CFAP100: variants seen among roughly 807,000 people sequenced by gnomAD.
CFAP100 encodes cilia- and flagella-associated protein 100.
In CFAP100, 70 loss-of-function variants were observed where a neutral mutation model predicts 81.5. The observed-to-expected ratio is 0.86, with a 90% CI of 0.71 to 1.05. The LOEUF (loss-of-function observed/expected upper bound fraction) is 1.05. Among genes scored for constraint, CFAP100 ranks in the 50% least tolerant of loss-of-function variants. The probability of loss-of-function intolerance (pLI) is 0.00; values close to 1 mark genes in which losing one functional copy is unlikely to be tolerated. For synonymous variants in CFAP100, 341 were observed against 314.8 expected (o/e 1.08, Z -0.88); for missense variants, 811 against 776.5 (o/e 1.04, Z -0.53).
chr3:126,433,821 C>T lies in CFAP100; in HGVS notation c.1423-355C>T, dbSNP rs138213489. ...TCCTCATATAGCCCACATGGAGGGG[C>T]TGTTATCTGTTTTCTAAGTGTCAGA... is the stretch of plus-strand genomic sequence containing the variant. On this transcript the variant is annotated intron_variant, in intron 14 of 16. Transcript: ENST00000352312. 6.0e-5 allele frequency: 14 copies of T among 234,592 alleles called. No individual in the cohort carries two copies. In the East Asian group the frequency reaches 1.5e-3, roughly 25 times the overall value. 14.5% of individuals were successfully genotyped at this position (234,592 alleles called of 1,614,324 possible). A position where few individuals can be genotyped will look rare whatever the true frequency, so the allele number is the denominator to read the frequency against.
At chr3:126,427,176 A>G (rs934794126) in intron 13 of CFAP100, among the ~76,000 whole-genome samples, 1 of 152,242 alleles carries the variant, frequency 6.6e-6, no homozygotes, top group Non-Finnish European at 1.5e-5. Context: ...TGAAGAGTCA[A>G]AATACCCAGA....
chr3:126,426,071 A>T (rs760893807), intron 13 of CFAP100, among the ~76,000 whole-genome samples: 1 of 152,236 alleles, frequency 6.6e-6, no homozygotes, highest in Non-Finnish European at 1.5e-5. Flanking sequence ...ATGTAATAAG[A>T]CAAGAAAAAT....
At chr3:126,432,157 T>C (rs535465379) in intron 13 of CFAP100, among the ~76,000 whole-genome samples, 1 of 151,564 alleles carries the variant, frequency 6.6e-6, no homozygotes, top group East Asian at 1.9e-4. Context: ...CGGGTGCCTG[T>C]AGTTCCAGCT....
intron 13 of CFAP100, among the ~76,000 whole-genome samples, chr3:126,431,625 C>T (rs1176569493): frequency 6.6e-6 from 1 of 152,180 alleles, no homozygotes; most frequent in Non-Finnish European, 1.5e-5. Context: ...TGTGGAAGGA[C>T]AAGAGCTGAG....
At chr3:126,420,049 G>A (rs752557161) in intron 10 of CFAP100, 28 bp downstream of exon 10, 3 of 1,613,272 alleles carry the variant, frequency 1.9e-6, no homozygotes, top group East Asian at 2.2e-5. Context: ...GCCTGAGGAG[G>A]AGCCTGGCTC....
At chr3:126,419,185 G>A (rs759321924) in intron 8 of CFAP100, 29 bp downstream of exon 8, 11 of 1,445,972 alleles carry the variant, frequency 7.6e-6, no homozygotes, top group Non-Finnish European at 1.0e-5. Context: ...CTGGCCATTG[G>A]CTGGCCCACC....
At position 126,418,704 on chromosome 3, in the gene CFAP100, GAGA is replaced by G. The variant is rs763400870; in HGVS notation, c.583_585del (p.Lys195del). On this transcript the variant is annotated inframe_deletion, in exon 7 of 17. Coordinates refer to ENST00000352312, the MANE Select transcript of CFAP100 (RefSeq NM_182628.3). ...GCTGGAGCGGGCCGAGAAATCCCTG[GAGA>G]AGGACGCCGCCTTGTTCGACGAGTT... The G allele has an allele frequency of 1.9e-6, 3 of 1,589,284 alleles. No homozygotes were observed. The highest frequency in any genetic ancestry group is 1.7e-6 in the Non-Finnish European group (2 of 1,168,716).
intron 11 of CFAP100, among the ~76,000 whole-genome samples, chr3:126,421,965 T>G (rs189474585): frequency 1.3e-5 from 2 of 152,216 alleles, no homozygotes; most frequent in Admixed American, 1.3e-4. Context: ...CCCTCAGCCA[T>G]GGACTGCCCC....
Position 126,419,582 on chromosome 3 carries a change from G to A in CFAP100, c.732-55G>A, listed in dbSNP as rs1416478070. 1.8e-5 allele frequency: 28 copies of A among 1,543,608 alleles called. 1 individual carries two copies. The Middle Eastern group carries it at 5.9e-4, about 32-fold the overall frequency. ...GGGGTGGCCCCGGCATGGGGACCTC[G>A]CTGTGGCAGAGGCTGACCTCCTCCT... On this transcript the variant is annotated intron_variant, in intron 8 of 16. Transcript: ENST00000352312.
chr3:126,410,059 G>C (rs1029194493), intron 3 of CFAP100, among the ~76,000 whole-genome samples: 1 of 152,102 alleles, frequency 6.6e-6, no homozygotes, highest in Non-Finnish European at 1.5e-5. Context: ...AAATTAGCTG[G>C]GCATGGTGTT....
At position 126,433,066 on chromosome 3, in the gene CFAP100, C is replaced by T; in HGVS notation, c.1287-3C>T. ...ATGCCCTGCCGGTTTTCCCCTCTTC[C>T]AGGGACAGGGAGGTCAACCAGCTGA... On this transcript the variant is annotated splice_region_variant and splice_polypyrimidine_tract_variant and intron_variant, in intron 13 of 16. Transcript: ENST00000352312. 3.1e-6 allele frequency: 5 copies of T among 1,613,990 alleles called. No individual in the cohort carries two copies. The South Asian group carries it at 3.3e-5, about 11-fold the overall frequency.
chr3:126,417,874 A>G (rs1299420932), intron 5 of CFAP100, among the ~76,000 whole-genome samples: 1 of 152,206 alleles, frequency 6.6e-6, no homozygotes, highest in African/African-American at 2.4e-5. Context: ...ACAGCCTACA[A>G]CTTCCACGCC....
rs1350932531 is a variant in CFAP100 at position 126,395,949 on chromosome 3, T to A, written c.-52T>A. ...CACTGTGTCACTCCTCAGGTGAGGA[T>A]CTCCTTTAGAAGAGGAGAAGCCTTG... On this transcript the variant is annotated 5_prime_UTR_variant, in exon 2 of 17. Coordinates refer to ENST00000352312, the MANE Select transcript of CFAP100 (RefSeq NM_182628.3). 1.7e-5 allele frequency: 26 copies of A among 1,495,162 alleles called. No individual in the cohort carries two copies. The highest frequency in any genetic ancestry group is 8.4e-5 in the Admixed American group (5 of 59,786). The allele number at this position is 1,495,162 out of a possible 1,614,324, so 92.6% of individuals were successfully genotyped here. A position where few individuals can be genotyped will look rare whatever the true frequency, so the allele number is the denominator to read the frequency against.
chr3:126,411,585 C>A (rs1043865396), intron 3 of CFAP100, among the ~76,000 whole-genome samples: 1 of 151,588 alleles, frequency 6.6e-6, no homozygotes, highest in Non-Finnish European at 1.5e-5. Context: ...TGGATTCAAT[C>A]TCGCTACTTG....
chr3:126,423,556 C>A lies in CFAP100; in HGVS notation c.1198C>A (p.Gln400Lys), dbSNP rs764297472. 1.9e-6 allele frequency: 3 copies of A among 1,614,156 alleles called. No individual in the cohort carries two copies. The highest frequency in any genetic ancestry group is 2.5e-6 in the Non-Finnish European group (3 of 1,180,008). ...GGATGTCTTCCGAGAGCTGGAGGAG[C>A]AGAACCTGTCGCTGATCCAGAACAG... The part of the protein sequence containing the change: ...LLDVFRELEE[Q>K]NLSLIQNSQE... The change falls in exon 13 of 17, where the codon CAG becomes AAG. Residue 400 changes from glutamine (Q) to lysine (K), a missense_variant. By Grantham distance (53) the Gln-to-Lys change is moderately conservative. Coordinates refer to ENST00000352312, the MANE Select transcript of CFAP100 (RefSeq NM_182628.3).
chr3:126,418,264 A>C, intron 5 of CFAP100, 194 bp from the exon 6 acceptor site: 8 of 598,152 alleles, frequency 1.3e-5, no homozygotes, highest in Non-Finnish European at 2.1e-5. Flanking sequence ...GGAGAATGTA[A>C]CATTTCAGGC....
At chr3:126,411,361 G>GTTCT (rs2083150781) in intron 3 of CFAP100, among the ~76,000 whole-genome samples, 1 of 35,366 alleles carries the variant, frequency 2.8e-5, no homozygotes, top group Non-Finnish European at 4.6e-5. Flanking sequence ...GTTGTTGTTG[G>GTTCT]TTTTTTTTTT....
intron 2 of CFAP100, among the ~76,000 whole-genome samples, chr3:126,402,523 GC>G (rs1183599368): frequency 6.6e-6 from 1 of 152,182 alleles, no homozygotes; most frequent in Non-Finnish European, 1.5e-5. Flanking sequence ...GCACAGGGCT[GC>G]CCCTGGTTGT....
At chr3:126,415,477 A>G (rs969770627) in intron 4 of CFAP100, among the ~76,000 whole-genome samples, 1 of 151,966 alleles carries the variant, frequency 6.6e-6, no homozygotes, top group African/African-American at 2.4e-5. Context: ...CAGCTGCCCA[A>G]TGTCTTCTAA....
Sources: allele counts gnomAD v4.1 joint callset (sites outside exome capture counted in the v4.1 genomes callset), GRCh38; gene constraint gnomAD v4.1.1; transcripts MANE v1.5; gene names NCBI Gene and HGNC (gene_info 2026-07-23, HGNC 2026-07-21).